ABLIM1: variants seen among roughly 807,000 people sequenced by gnomAD.
The protein encoded by ABLIM1 is actin binding LIM protein 1, also known as actin-binding LIM protein 1.
ABLIM1 carries 40 observed loss-of-function variants against 107.0 expected under a neutral mutation model. That is an observed-to-expected ratio of 0.37 (90% CI 0.29 to 0.49). The LOEUF is 0.49. ABLIM1 is among the 20% of genes least tolerant of loss of function. The pLI is 0.97. For synonymous variants in ABLIM1, 357 were observed against 357.3 expected, an observed-to-expected ratio of 1.00 and a Z score of 0.01; for missense variants, 857 against 1,008.5, an observed-to-expected ratio of 0.85 and a Z score of 2.04.
chr10:114,485,315 T>C, intron 8 of ABLIM1: 1 of 1,612,870 alleles, frequency 6.2e-7, no homozygotes, highest in Non-Finnish European at 8.5e-7. Context: ...ACGGAGACCG[T>C]CCTGTGCGTC....
At chr10:114,540,056 GA>G (rs1173547358) in intron 6 of ABLIM1, among the ~76,000 whole-genome samples, 3 of 152,330 alleles carry the variant, frequency 2.0e-5, no homozygotes, top group African/African-American at 7.2e-5. Flanking sequence ...AGCATTTGAA[GA>G]TGTACCATTT....
intron 9 of ABLIM1, among the ~76,000 whole-genome samples, chr10:114,473,615 G>A (rs2067001103): frequency 6.6e-6 from 1 of 151,748 alleles, no homozygotes; most frequent in African/African-American, 2.4e-5. Flanking sequence ...TTGAGACGGA[G>A]TCTTAGGTGC....
At chr10:114,782,813 TAAG>T in the ABLIM1 span, among the ~76,000 whole-genome samples, 5 of 151,774 alleles carry the variant, frequency 3.3e-5, no homozygotes, top group Non-Finnish European at 5.9e-5. Flanking sequence ...AGAAAAAAAA[TAAG>T]AAGAATAAGA....
chr10:114,579,271 T>A (rs2073059987), intron 2 of ABLIM1, among the ~76,000 whole-genome samples: 1 of 152,190 alleles, frequency 6.6e-6, no homozygotes, highest in Non-Finnish European at 1.5e-5. Flanking sequence ...TTGAATAAAT[T>A]ATGCTATGTC....
intron 1 of ABLIM1, among the ~76,000 whole-genome samples, chr10:114,735,199 G>C (rs1012559370): frequency 9.9e-5 from 15 of 152,162 alleles, no homozygotes; most frequent in African/African-American, 3.6e-4. Flanking sequence ...TCAGACACTG[G>C]AATAACATGA....
chr10:114,439,333 G>T, intron 20 of ABLIM1, 83 bp from the exon 21 acceptor site: 1 of 1,387,788 alleles, frequency 7.2e-7, no homozygotes, highest in Non-Finnish European at 1.0e-6. Flanking sequence ...CCAATTCCCT[G>T]TTGGGTCTCC....
rs2058927527 is a variant in ABLIM1, at chr10:114,491,037, T to TAC, written c.982+753_982+754insGT. On this transcript the variant is annotated intron_variant, in intron 7 of 22. Coordinates refer to ENST00000533213, the MANE Select transcript of ABLIM1 (RefSeq NM_002313.7). ...GTATATATATATATGGTCTATTTTA[T>TAC]ATATATATATAAAATAGAGTTGAGG... is the stretch of plus-strand genomic sequence containing the variant. 2.1e-5 allele frequency among the ~76,000 whole-genome samples: 3 copies of TAC among 143,340 alleles called. 1 individual carries two copies. Among genetic ancestry groups the TAC allele is most frequent in the Non-Finnish European group, 4.5e-5 (3 of 66,172 alleles). 94.0% of individuals were successfully genotyped at this position (143,340 alleles called of 152,430 possible).
intron 1 of ABLIM1, among the ~76,000 whole-genome samples, chr10:114,735,690 G>T (rs898797842): frequency 6.6e-6 from 1 of 152,148 alleles, no homozygotes; most frequent in South Asian, 2.1e-4. Context: ...GGATGGTCTC[G>T]ATCTTTTGAC....
intron 4 of ABLIM1, among the ~76,000 whole-genome samples, chr10:114,562,837 A>G (rs541837499): frequency 6.6e-6 from 1 of 152,314 alleles, no homozygotes; most frequent in South Asian, 2.1e-4. Flanking sequence ...AGTGCTATTC[A>G]TAAAAGCCAA....
rs192088848 is a variant in ABLIM1, at chr10:114,598,067, T to C, written c.379+3760A>G. Among the ~76,000 whole-genome samples the C allele has an allele frequency of 4.1e-3, 612 of 150,900 alleles. 3 individuals are homozygous for C. The highest frequency in any genetic ancestry group is 0.021 in the Middle Eastern group (6 of 292). Reference sequence around the variant, plus strand: ...TGGGCAGATCACCTGAGGTCAAGAGTTCAAGACCAGCCTGGTCAATATGGT... The same window carrying C: ...TGGGCAGATCACCTGAGGTCAAGAGCTCAAGACCAGCCTGGTCAATATGGT... On this transcript the variant is annotated intron_variant, in intron 2 of 22. Coordinates refer to ENST00000533213, the MANE Select transcript of ABLIM1 (RefSeq NM_002313.7).
At chr10:114,485,176 A>C (rs2058003692) in intron 8 of ABLIM1, 1 of 651,702 alleles carries the variant, frequency 1.5e-6, no homozygotes, top group Non-Finnish European at 2.4e-6. Flanking sequence ...TGGTGTGAGA[A>C]AAGCATCTGC....
chr10:114,544,267 ACAGATGAGGCAGTCT>A (rs2067042741), intron 6 of ABLIM1, among the ~76,000 whole-genome samples: 4 of 152,204 alleles, frequency 2.6e-5, no homozygotes, highest in Admixed American at 2.6e-4. Flanking sequence ...CAGGTGGGCC[ACAGATGAGGCAGTCT>A]TACTTCTTCC....
At chr10:114,700,244 TG>T (rs2081281477) in intron 1 of ABLIM1, among the ~76,000 whole-genome samples, 1 of 152,166 alleles carries the variant, frequency 6.6e-6, no homozygotes, top group Admixed American at 6.5e-5. Flanking sequence ...TGAGAGAGAA[TG>T]ATCTACATAG....
At chr10:114,623,921 G>C (rs1358862534) in intron 1 of ABLIM1, among the ~76,000 whole-genome samples, 2 of 152,180 alleles carry the variant, frequency 1.3e-5, no homozygotes, top group African/African-American at 4.8e-5. Flanking sequence ...GGGGACACTG[G>C]ACCATAATAA....
At chr10:114,492,639 C>G (rs2059155530) in intron 6 of ABLIM1, among the ~76,000 whole-genome samples, 1 of 152,202 alleles carries the variant, frequency 6.6e-6, no homozygotes, top group Non-Finnish European at 1.5e-5. Flanking sequence ...TTGACAAGAA[C>G]AAATCCTTTC....
chr10:114,756,624 C>T (rs1219409159), intron 1 of ABLIM1, among the ~76,000 whole-genome samples: 2 of 152,138 alleles, frequency 1.3e-5, no homozygotes, highest in African/African-American at 4.8e-5. Context: ...CTGCATGTTA[C>T]ATTTAACTTC....
intron 1 of ABLIM1, chr10:114,690,285 C>T: frequency 6.4e-7 from 1 of 1,556,986 alleles, no homozygotes; most frequent in Non-Finnish European, 8.9e-7. Context: ...CAACCACTCA[C>T]TCTTGGCAGT....
At chr10:114,750,650 T>C (rs1192606431) in intron 1 of ABLIM1, among the ~76,000 whole-genome samples, 1 of 152,202 alleles carries the variant, frequency 6.6e-6, no homozygotes. Flanking sequence ...ACAAATGAAA[T>C]ATGTGTCCAC....
chr10:114,522,737 C>G (rs887449854), intron 6 of ABLIM1, among the ~76,000 whole-genome samples: 1 of 152,186 alleles, frequency 6.6e-6, no homozygotes, highest in Non-Finnish European at 1.5e-5. Context: ...AATAATAAAG[C>G]AGCAGGGTTT....
Sources: gnomAD v4.1 joint callset for allele counts (sites outside exome capture counted in the v4.1 genomes callset) on GRCh38, gnomAD v4.1.1 for gene constraint, MANE v1.5 for transcripts, NCBI Gene and HGNC (gene_info 2026-07-23, HGNC 2026-07-21) for gene names.